The following FAM151B variants were observed in gnomAD, a reference collection of about 807,000 sequenced individuals.
The protein encoded by FAM151B is family with sequence similarity 151 member B, also known as protein FAM151B.
FAM151B carries 24 observed loss-of-function variants against 31.2 expected under a neutral mutation model. The observed-to-expected ratio is 0.77, with a 90% CI of 0.56 to 1.08. The LOEUF (loss-of-function observed/expected upper bound fraction) is 1.08, where lower values mean the gene tolerates loss of function less well. Ranked by LOEUF, FAM151B falls within the 50% of genes least tolerant of loss-of-function variation. The pLI, the probability that FAM151B is intolerant of heterozygous loss-of-function variation, is 0.00. For missense variants in FAM151B, 293 were observed against 328.6 expected (o/e 0.89, Z 0.84); for synonymous variants, 105 against 111.4 (o/e 0.94, Z 0.36).
chr5:80,514,055 C>G (rs914915376), intron 3 of FAM151B, among the ~76,000 whole-genome samples: 1 of 151,984 alleles, frequency 6.6e-6, no homozygotes, highest in Non-Finnish European at 1.5e-5. Flanking sequence ...AAAAGTAACC[C>G]AGGAGAGAGA....
chr5:80,494,470 TTCTTTCTTTC>T, intron 1 of FAM151B, among the ~76,000 whole-genome samples: 1 of 93,538 alleles, frequency 1.1e-5, no homozygotes, highest in Non-Finnish European at 2.4e-5. Flanking sequence ...CTTTCTTTCT[TTCTTTCTTTC>T]TTTCTTTCTT....
chr5:80,519,189 T>G (rs2112638823), intron 3 of FAM151B, among the ~76,000 whole-genome samples: 1 of 152,328 alleles, frequency 6.6e-6, no homozygotes, highest in African/African-American at 2.4e-5. Flanking sequence ...GAATTGTTTA[T>G]GTATCCAAAC....
At chr5:80,529,907 T>TGAACA (rs375968275) in intron 5 of FAM151B, among the ~76,000 whole-genome samples, 2 of 149,844 alleles carry the variant, frequency 1.3e-5, no homozygotes, top group African/African-American at 5.0e-5. Flanking sequence ...ATCATCCTGA[T>TGAACA]ACCAAAGCCT....
intron 2 of FAM151B, among the ~76,000 whole-genome samples, chr5:80,506,477 A>G (rs1449812868): frequency 6.6e-6 from 1 of 152,206 alleles, no homozygotes; most frequent in Non-Finnish European, 1.5e-5. Flanking sequence ...GTTATTTGAG[A>G]TGATAAATCT....
intron 5 of FAM151B, among the ~76,000 whole-genome samples, chr5:80,528,931 T>G (rs1358331305): frequency 1.3e-5 from 2 of 152,292 alleles, no homozygotes; most frequent in South Asian, 4.1e-4. Context: ...CAACAAAATA[T>G]ACATTCTTCT....
At chr5:80,535,228 T>G (rs567840425) in intron 5 of FAM151B, among the ~76,000 whole-genome samples, 48 of 152,316 alleles carry the variant, frequency 3.2e-4, no homozygotes, top group African/African-American at 1.1e-3. Context: ...AATGACATTC[T>G]TCACAGAAAT....
rs1157736496 is a variant in FAM151B at position 80,516,084 on chromosome 5, G to C, written c.317+2315G>C. On this transcript the variant is annotated intron_variant, in intron 3 of 5. Coordinates refer to ENST00000282226, the MANE Select transcript of FAM151B (RefSeq NM_205548.3). ...TCATGACTATAATCCCAGCACTTTGGTAGGCCAAGGTGGGCGAATCACCTG... is the reference window on the plus strand; with the variant it reads ...TCATGACTATAATCCCAGCACTTTGCTAGGCCAAGGTGGGCGAATCACCTG... Among the ~76,000 whole-genome samples, 3 of 152,316 alleles carry C rather than the reference G, an allele frequency of 2.0e-5. No homozygotes were observed. The East Asian group carries it at 5.8e-4, about 29-fold the overall frequency.
chr5:80,527,747 T>C lies in FAM151B; in HGVS notation c.671+5609T>C, dbSNP rs373660108. ...ACTGGAAGTGTCAGTGAGTGGGTGG[T>C]AAATGAATGTGAAGGCCTACAGCAT... On this transcript the variant is annotated intron_variant, in intron 5 of 5. Coordinates refer to ENST00000282226, the MANE Select transcript of FAM151B (RefSeq NM_205548.3). Among the ~76,000 whole-genome samples the C allele has an allele frequency of 1.7e-4, 26 of 152,260 alleles. No homozygotes were observed. In the South Asian group the frequency reaches 5.4e-3, roughly 32 times the overall value.
rs1399094523 is a variant in FAM151B, at chr5:80,517,071, T to C, written c.318-2622T>C. On this transcript the variant is annotated intron_variant, in intron 3 of 5. Coordinates refer to ENST00000282226, the MANE Select transcript of FAM151B (RefSeq NM_205548.3). ...TATATGCTGCCCACCTGTTAGTCAC[T>C]TAATAGCCGTCACAGTTATCAGATT... Among the ~76,000 whole-genome samples the C allele has an allele frequency of 2.6e-5, 4 of 152,174 alleles. No homozygotes were observed. In the East Asian group the frequency reaches 7.7e-4, roughly 29 times the overall value.
intron 5 of FAM151B, among the ~76,000 whole-genome samples, chr5:80,530,217 G>C (rs989419649): frequency 1.3e-5 from 2 of 152,032 alleles, no homozygotes; most frequent in Non-Finnish European, 2.9e-5. Context: ...AATAAACTAG[G>C]TATTGATGGG....
Position 80,514,611 on chromosome 5 carries a change from A to G in FAM151B, c.317+842A>G, listed in dbSNP as rs140557691. On this transcript the variant is annotated intron_variant, in intron 3 of 5. Coordinates refer to ENST00000282226, the MANE Select transcript of FAM151B (RefSeq NM_205548.3). The stretch of plus-strand genomic sequence containing the variant: ...GGAAATTTTACTTTTGTAGTATTTT[A>G]GCAGTGTAAAAATGATAAAGAAAGC... Among the ~76,000 whole-genome samples the G allele has an allele frequency of 3.2e-3, 481 of 152,010 alleles. 3 individuals carry two copies. The highest frequency in any genetic ancestry group is 0.011 in the African/African-American group (473 of 41,498).
At chr5:80,508,679 T>A (rs1273225771) in intron 2 of FAM151B, among the ~76,000 whole-genome samples, 6 of 152,178 alleles carry the variant, frequency 3.9e-5, no homozygotes, top group Non-Finnish European at 7.4e-5. Context: ...GTCCAAGTAG[T>A]TATATCTCCC....
intron 1 of FAM151B, chr5:80,498,842 C>T: frequency 2.5e-6 from 1 of 405,450 alleles, no homozygotes. Context: ...CTCCATTTTC[C>T]AGTTGCTTGC....
intron 2 of FAM151B, among the ~76,000 whole-genome samples, chr5:80,503,485 A>G (rs2112609558): frequency 6.6e-6 from 1 of 152,142 alleles, no homozygotes; most frequent in Non-Finnish European, 1.5e-5. Context: ...AGGAGGATCG[A>G]TTGAGCCCAA....
At chr5:80,494,476 C>CTTTCTTTCTTTCTTTCTTTCTTTA (rs1743449731) in intron 1 of FAM151B, among the ~76,000 whole-genome samples, 1 of 126,558 alleles carries the variant, frequency 7.9e-6, no homozygotes, top group African/African-American at 3.1e-5. Context: ...TTCTTTCTTT[C>CTTTCTTTCTTTCTTTCTTTCTTTA]TTTCTTTCTT....
intron 5 of FAM151B, among the ~76,000 whole-genome samples, chr5:80,540,609 CT>C (rs1745833980): frequency 6.6e-6 from 1 of 152,032 alleles, no homozygotes; most frequent in African/African-American, 2.4e-5. Flanking sequence ...TTCTTTTTAC[CT>C]AAATGCTCAT....
intron 1 of FAM151B, among the ~76,000 whole-genome samples, chr5:80,491,500 G>C (rs1320611048): frequency 6.6e-6 from 1 of 152,208 alleles, no homozygotes; most frequent in Non-Finnish European, 1.5e-5. Flanking sequence ...TGGAGTTACA[G>C]TTGTGAGCCA....
At chr5:80,520,678 A>G (rs779719004) in intron 4 of FAM151B, among the ~76,000 whole-genome samples, 3 of 140,926 alleles carry the variant, frequency 2.1e-5, no homozygotes, top group Non-Finnish European at 4.5e-5. Context: ...ATATATATAT[A>G]TGTGTGTGTA....
At chr5:80,509,704 A>G (rs1234461182) in intron 2 of FAM151B, among the ~76,000 whole-genome samples, 1 of 152,208 alleles carries the variant, frequency 6.6e-6, no homozygotes, top group Admixed American at 6.5e-5. Flanking sequence ...TTTTCTCTAT[A>G]TGCTGCTGAA....
Sources: allele counts gnomAD v4.1 joint callset (sites outside exome capture counted in the v4.1 genomes callset), GRCh38; gene constraint gnomAD v4.1.1; transcripts MANE v1.5; gene names NCBI Gene and HGNC (gene_info 2026-07-23, HGNC 2026-07-21).